The following LRP1B variants were observed in gnomAD, a reference collection of about 807,000 sequenced individuals.
The protein encoded by LRP1B is low-density lipoprotein receptor-related protein 1B.
A neutral mutation model predicts 556.6 loss-of-function variants in LRP1B; 217 were observed. That is an observed-to-expected ratio of 0.39 (90% CI 0.35 to 0.44). The LOEUF (loss-of-function observed/expected upper bound fraction) is 0.44, where lower values mean the gene tolerates loss of function less well. Among genes scored for constraint, LRP1B ranks in the 20% least tolerant of loss-of-function variants. The pLI, the probability that LRP1B is intolerant of heterozygous loss-of-function variation, is 1.00. For missense variants in LRP1B, 5,053 were observed against 5,620.8 expected (o/e 0.90, Z 3.23); for synonymous variants, 2,047 against 1,865.8 (o/e 1.10, Z -2.50).
At chr2:140,487,356 T>A (rs1227171399) in intron 58 of LRP1B, among the ~76,000 whole-genome samples, 1 of 151,970 alleles carries the variant, frequency 6.6e-6, no homozygotes, top group Non-Finnish European at 1.5e-5. Flanking sequence ...TCCCATTTCC[T>A]AGGGTTGTGA....
intron 2 of LRP1B, among the ~76,000 whole-genome samples, chr2:141,628,499 G>A (rs1688783461): frequency 3.9e-5 from 6 of 152,078 alleles, no homozygotes; most frequent in Admixed American, 3.9e-4. Flanking sequence ...AAATTATGCT[G>A]CAGAGTGACC....
intron 77 of LRP1B, among the ~76,000 whole-genome samples, chr2:140,344,484 T>A (rs1201333140): frequency 6.7e-6 from 1 of 149,882 alleles, no homozygotes; most frequent in Non-Finnish European, 1.5e-5. Flanking sequence ...AGTAGCCAAC[T>A]CTTGGACATA....
intron 2 of LRP1B, among the ~76,000 whole-genome samples, chr2:141,793,016 C>T (rs1264348476): frequency 6.6e-6 from 1 of 151,792 alleles, no homozygotes; most frequent in Admixed American, 6.6e-5. Context: ...CTATCAGCTG[C>T]CTTGTTAAAA....
intron 1 of LRP1B, among the ~76,000 whole-genome samples, chr2:141,920,279 T>TG (rs1216730794): frequency 0.016 from 1,562 of 99,798 alleles, 24 homozygotes; most frequent in African/African-American, 0.029. Context: ...TCTTTTTTTT[T>TG]GGGGGGGGGT....
At chr2:140,342,581 A>G (rs1386948484) in intron 77 of LRP1B, among the ~76,000 whole-genome samples, 4 of 151,590 alleles carry the variant, frequency 2.6e-5, no homozygotes, top group African/African-American at 4.8e-5. Flanking sequence ...GAGATATGCT[A>G]TAATGCTACA....
intron 1 of LRP1B, among the ~76,000 whole-genome samples, chr2:141,842,676 TAATA>T (rs1378133025): frequency 6.6e-6 from 1 of 152,118 alleles, no homozygotes; most frequent in Non-Finnish European, 1.5e-5. Context: ...AGCAAATCAA[TAATA>T]AATAACACAT....
intron 3 of LRP1B, among the ~76,000 whole-genome samples, chr2:141,432,750 T>A (rs1680607330): frequency 6.6e-6 from 1 of 152,054 alleles, no homozygotes; most frequent in Non-Finnish European, 1.5e-5. Context: ...TGAGTAATGA[T>A]GTCCCCTCCT....
intron 3 of LRP1B, among the ~76,000 whole-genome samples, chr2:141,371,888 G>A (rs1178911271): frequency 6.6e-6 from 1 of 151,854 alleles, no homozygotes; most frequent in African/African-American, 2.4e-5. Context: ...GCCCTGGTGA[G>A]AATTTCCAGT....
chr2:141,141,398 A>C (rs1404220537), intron 7 of LRP1B, among the ~76,000 whole-genome samples: 1 of 152,182 alleles, frequency 6.6e-6, no homozygotes, highest in Non-Finnish European at 1.5e-5. Flanking sequence ...TAATATATTT[A>C]AGATACTAAG....
At chr2:141,677,022 T>A (rs991984225) in intron 2 of LRP1B, among the ~76,000 whole-genome samples, 2 of 152,154 alleles carry the variant, frequency 1.3e-5, no homozygotes, top group Non-Finnish European at 2.9e-5. Flanking sequence ...TAGATTATTA[T>A]ATAATTACAA....
intron 41 of LRP1B, among the ~76,000 whole-genome samples, chr2:140,668,468 T>C (rs1017228498): frequency 1.3e-5 from 2 of 151,970 alleles, no homozygotes; most frequent in Non-Finnish European, 2.9e-5. Context: ...AGATTTACTG[T>C]AGGCATGTTT....
intron 7 of LRP1B, among the ~76,000 whole-genome samples, chr2:141,107,922 C>A (rs10202286): frequency 0.36 from 54,331 of 151,486 alleles, 10,151 homozygotes; most frequent in East Asian, 0.66. Flanking sequence ...ATTGGTAAAT[C>A]ACACATTTTT....
At chr2:141,928,883 A>G (rs1174262454) in intron 1 of LRP1B, among the ~76,000 whole-genome samples, 3 of 152,090 alleles carry the variant, frequency 2.0e-5, no homozygotes, top group Admixed American at 6.6e-5. Context: ...CTGTGGCTCA[A>G]CTTCACTATA....
In LRP1B at chr2:141,758,598, A is replaced by T. The variant is rs544548565; in HGVS notation, c.205+51681T>A. Among the ~76,000 whole-genome samples the T allele has an allele frequency of 1.6e-3, 236 of 152,200 alleles. 1 individual carries two copies. Among genetic ancestry groups the T allele is most frequent in the Non-Finnish European group, 2.5e-3 (172 of 67,966 alleles). ...AACAAAACTCAATAATGATTTAACA[A>T]GGTATGTATTTACTTAGAGTATTGA... On this transcript the variant is annotated intron_variant, in intron 2 of 90. Coordinates refer to ENST00000389484, the MANE Select transcript of LRP1B (RefSeq NM_018557.3).
chr2:141,789,207 A>T (rs752424984), intron 2 of LRP1B, among the ~76,000 whole-genome samples: 27 of 152,132 alleles, frequency 1.8e-4, no homozygotes, highest in Non-Finnish European at 3.4e-4. Flanking sequence ...GGATTGAAGA[A>T]AACTAGATGT....
At chr2:141,636,467 T>C (rs1194172786) in intron 2 of LRP1B, among the ~76,000 whole-genome samples, 4 of 152,198 alleles carry the variant, frequency 2.6e-5, no homozygotes, top group Non-Finnish European at 5.9e-5. Context: ...ATATATCAAA[T>C]GTTGAAACTG....
At chr2:141,297,116 C>G (rs1031168888) in intron 3 of LRP1B, among the ~76,000 whole-genome samples, 1 of 152,052 alleles carries the variant, frequency 6.6e-6, no homozygotes, top group African/African-American at 2.4e-5. Flanking sequence ...TTGTTGGGCA[C>G]CTAGGTTGAT....
intron 7 of LRP1B, among the ~76,000 whole-genome samples, chr2:141,127,915 G>A (rs1701256338): frequency 6.6e-6 from 1 of 152,148 alleles, no homozygotes; most frequent in Non-Finnish European, 1.5e-5. Context: ...TGACTTACAT[G>A]AGTCCACGAA....
rs143311710 is a variant in LRP1B, at chr2:141,283,926, A to T, written c.344-29285T>A. ...TTATCATTTTAGATAATAAAAAATT[A>T]TCTGAGCTTTTGCTGTTTGCTTATA... On this transcript the variant is annotated intron_variant, in intron 3 of 90. Coordinates refer to ENST00000389484, the MANE Select transcript of LRP1B (RefSeq NM_018557.3). Among the ~76,000 whole-genome samples, 28 of 152,264 alleles carry T rather than the reference A, an allele frequency of 1.8e-4. No homozygotes were observed. In the East Asian group the frequency reaches 5.4e-3, roughly 29 times the overall value.
Sources: gnomAD v4.1 joint callset for allele counts (sites outside exome capture counted in the v4.1 genomes callset) on GRCh38, gnomAD v4.1.1 for gene constraint, MANE v1.5 for transcripts, NCBI Gene and HGNC (gene_info 2026-07-23, HGNC 2026-07-21) for gene names.